The following ABHD10 variants were observed in gnomAD, a reference collection of about 807,000 sequenced individuals.
The protein encoded by ABHD10 is palmitoyl-protein thioesterase ABHD10, mitochondrial.
Under a neutral mutation model 33.1 loss-of-function variants are expected in ABHD10, and 22 were observed. That is an observed-to-expected ratio of 0.66 (90% CI 0.47 to 0.95). The LOEUF is 0.95. Ranked by LOEUF, ABHD10 falls within the 40% of genes least tolerant of loss-of-function variation. ABHD10 has a pLI of 0.00. For synonymous variants in ABHD10, 146 were observed against 133.9 expected (o/e 1.09, Z -0.62); for missense variants, 352 against 379.9 (o/e 0.93, Z 0.61).
intron 4 of ABHD10, among the ~76,000 whole-genome samples, chr3:111,988,236 A>G (rs1035020859): frequency 9.2e-5 from 14 of 152,210 alleles, no homozygotes; most frequent in Non-Finnish European, 1.8e-4. Flanking sequence ...AAGCTCCTTA[A>G]GAAATAGCAT....
rs1197426322 is a variant in ABHD10, at chr3:111,991,739, G to C, written c.*18G>C. On this transcript the variant is annotated 3_prime_UTR_variant, in exon 5 of 5. Coordinates refer to ENST00000273359, the MANE Select transcript of ABHD10 (RefSeq NM_018394.4). ...TTAACTAGTATCACATGTTTAGTTG[G>C]TATGTAAACTAATGTATCCAGAAGA... 6.4e-7 allele frequency: 1 copy of C among 1,560,958 alleles called. No homozygotes were observed. The highest frequency in any genetic ancestry group is 1.4e-5 in the African/African-American group (1 of 73,288).
At position 111,992,992 on chromosome 3, in the gene ABHD10, C is replaced by T. The variant is rs1301844565; in HGVS notation, c.*1271C>T. On this transcript the variant is annotated 3_prime_UTR_variant, in exon 5 of 5. Coordinates refer to ENST00000273359, the MANE Select transcript of ABHD10 (RefSeq NM_018394.4). ...GAACTTGGAGTTCAGGGGGCTTCCACCATTCCCAGAACTGATCAAAGTAGC... is the reference window on the plus strand; with the variant it reads ...GAACTTGGAGTTCAGGGGGCTTCCATCATTCCCAGAACTGATCAAAGTAGC... 6.6e-6 allele frequency: 1 copy of T among 152,184 alleles called. No homozygotes were observed. The highest frequency in any genetic ancestry group is 2.4e-5 in the African/African-American group (1 of 41,430). The allele number at this position is 152,184 out of a possible 1,614,324, so 9.4% of individuals were successfully genotyped here. A position where few individuals can be genotyped will look rare whatever the true frequency, so the allele number is the denominator to read the frequency against.
At position 111,986,374 on chromosome 3, in the gene ABHD10, A is replaced by T. The variant is rs756138975; in HGVS notation, c.437A>T (p.Gln146Leu). Residue 146 changes from glutamine (Q) to leucine (L), a missense_variant and splice_region_variant, in exon 3 of 5, where the codon CAG becomes CTG. Coordinates refer to ENST00000273359, the MANE Select transcript of ABHD10 (RefSeq NM_018394.4). The stretch of plus-strand genomic sequence containing the variant: ...ATTGATGACTTAGCTGATGGGCCAC[A>T]GGTGACTGTTTTGTTAAGTATGATG... ...SIIDDLADGPQILVGSSLGGW... is the reference protein window; with the variant it reads ...SIIDDLADGPLILVGSSLGGW... 1.0e-5 allele frequency: 16 copies of T among 1,594,668 alleles called. No individual in the cohort carries two copies. The highest frequency in any genetic ancestry group is 1.3e-5 in the Non-Finnish European group (15 of 1,163,276).
rs2072757368 is a variant in ABHD10 at position 111,992,706 on chromosome 3, C to CT, written c.*989dup. On this transcript the variant is annotated 3_prime_UTR_variant, in exon 5 of 5. Transcript: ENST00000273359. ...TTGATTAGGTTATTATCTGTCAAAC[C>CT]TTTTAAGTTGACAACATGACTCATA... 1 of 152,026 alleles carries CT rather than the reference C, an allele frequency of 6.6e-6. No homozygotes were observed. Among genetic ancestry groups the CT allele is most frequent in the Non-Finnish European group, 1.5e-5 (1 of 68,002 alleles). The allele number at this position is 152,026 out of a possible 1,614,324, so 9.4% of individuals were successfully genotyped here. A position where few individuals can be genotyped will look rare whatever the true frequency, so the allele number is the denominator to read the frequency against.
At chr3:111,986,550 C>G (rs2072664892) in intron 3 of ABHD10, among the ~76,000 whole-genome samples, 175 bp downstream of exon 3, 1 of 152,210 alleles carries the variant, frequency 6.6e-6, no homozygotes, top group Admixed American at 6.5e-5. Context: ...ATCCTCCTGC[C>G]TCAGCCTCCC....
At position 111,991,359 on chromosome 3, in the gene ABHD10, T is replaced by C. The variant is rs6795538; in HGVS notation, c.577-18T>C. On this transcript the variant is annotated intron_variant, in intron 4 of 4. Coordinates refer to ENST00000273359, the MANE Select transcript of ABHD10 (RefSeq NM_018394.4). Reference sequence around the variant, plus strand: ...CTAAAGTCACAAATACTTTTATTTTTCTTTCTTTTTCCAATAGCTAAAAAA... The same window carrying C: ...CTAAAGTCACAAATACTTTTATTTTCCTTTCTTTTTCCAATAGCTAAAAAA... 0.21 allele frequency: 320,750 copies of C among 1,554,550 alleles called. 33,486 individuals are homozygous for C. Among genetic ancestry groups the C allele is most frequent in the Middle Eastern group, 0.28 (1,643 of 5,922 alleles).
In ABHD10 at chr3:111,992,515, G is replaced by T. The variant is rs1403226206; in HGVS notation, c.*794G>T. ...CCTAAGTACAACTAGGCAAGTGATTGCCACCTAAATCAGAAGACGTTCTAA... is the reference window on the plus strand; with the variant it reads ...CCTAAGTACAACTAGGCAAGTGATTTCCACCTAAATCAGAAGACGTTCTAA... On this transcript the variant is annotated 3_prime_UTR_variant, in exon 5 of 5. Transcript: ENST00000273359. 6.6e-6 allele frequency: 1 copy of T among 151,950 alleles called. No homozygotes were observed. The highest frequency in any genetic ancestry group is 1.5e-5 in the Non-Finnish European group (1 of 67,970). 9.4% of individuals were successfully genotyped at this position (151,950 alleles called of 1,614,324 possible). A position where few individuals can be genotyped will look rare whatever the true frequency, so the allele number is the denominator to read the frequency against.
intron 4 of ABHD10, among the ~76,000 whole-genome samples, chr3:111,988,235 A>G (rs980762342): frequency 6.6e-6 from 1 of 152,322 alleles, no homozygotes; most frequent in Non-Finnish European, 1.5e-5. Context: ...TAAGCTCCTT[A>G]AGAAATAGCA....
At chr3:111,979,267 C>G in intron 1 of ABHD10, 64 bp downstream of exon 1, 1 of 1,512,946 alleles carries the variant, frequency 6.6e-7, no homozygotes, top group Non-Finnish European at 8.9e-7. Context: ...CGTCAGTTAC[C>G]GTGCCTGTGC....
Position 111,981,883 on chromosome 3 carries a change from T to C in ABHD10, c.242T>C (p.Ile81Thr). The C allele has an allele frequency of 6.2e-7, 1 of 1,607,984 alleles. No homozygotes were observed. The highest frequency in any genetic ancestry group is 8.5e-7 in the Non-Finnish European group (1 of 1,175,612). ...LKGKSPGIIFIPGYLSYMNGT... is the reference protein window; with the variant it reads ...LKGKSPGIIFTPGYLSYMNGT... ...GGCAAAAGTCCAGGAATTATCTTCA[T>C]CCCTGGCTATCTTTCTTATATGAAT... Residue 81 changes from isoleucine (I) to threonine (T), a missense_variant, in exon 2 of 5, where the codon ATC (isoleucine) becomes ACC (threonine). Ile to Thr is a moderately conservative substitution (Grantham distance 89). Transcript: ENST00000273359.
chr3:111,980,010 A>G (rs1053257588), intron 1 of ABHD10, among the ~76,000 whole-genome samples: 6 of 152,252 alleles, frequency 3.9e-5, no homozygotes, highest in Admixed American at 6.5e-5. Flanking sequence ...TAGTATGTCA[A>G]TTCATTAACC....
chr3:111,981,311 C>CA lies in ABHD10; in HGVS notation c.143-451dup, dbSNP rs11301143. On this transcript the variant is annotated intron_variant, in intron 1 of 4. Transcript: ENST00000273359. Reference sequence around the variant, plus strand: ...TGAGTGACAAGGTGAGACCCTGTCTCAAAAAAAAAAAAAAAAAAAAAAGAA... The same window carrying CA: ...TGAGTGACAAGGTGAGACCCTGTCTCAAAAAAAAAAAAAAAAAAAAAAAGAA... Among the ~76,000 whole-genome samples the CA allele has an allele frequency of 5.0e-3, 454 of 91,044 alleles. 2 individuals carry two copies. The highest frequency in any genetic ancestry group is 0.014 in the East Asian group (39 of 2,758). The allele number at this position is 91,044 out of a possible 152,430, so 59.7% of individuals were successfully genotyped here.
intron 4 of ABHD10, chr3:111,990,793 T>A: frequency 9.2e-7 from 1 of 1,092,074 alleles, no homozygotes; most frequent in Non-Finnish European, 1.2e-6. Context: ...CTTATTTTTT[T>A]ATTCTTAGTT....
intron 4 of ABHD10, 92 bp from the exon 5 acceptor site, chr3:111,991,285 G>A (rs2072735954): frequency 9.4e-7 from 1 of 1,061,130 alleles, no homozygotes; most frequent in African/African-American, 1.6e-5. Context: ...TCTTATTCAA[G>A]AACTGCTTTC....
At chr3:111,980,199 T>C (rs1390050748) in intron 1 of ABHD10, among the ~76,000 whole-genome samples, 4 of 152,188 alleles carry the variant, frequency 2.6e-5, no homozygotes, top group Admixed American at 2.6e-4. Flanking sequence ...TAAGAGGTGA[T>C]TTCTGGAAGA....
chr3:111,990,600 AAGG>A, intron 4 of ABHD10: 1 of 404,234 alleles, frequency 2.5e-6, no homozygotes, highest in Non-Finnish European at 4.3e-6. Flanking sequence ...ATTTCATTTT[AAGG>A]GAATAAATAT....
chr3:111,991,413 A>G lies in ABHD10; in HGVS notation c.613A>G (p.Met205Val). ...KEVEMKGVWSMPSKYSEEGVY... is the reference protein window; with the variant it reads ...KEVEMKGVWSVPSKYSEEGVY... ...AGTAGAGATGAAAGGTGTGTGGAGCATGCCATCAAAATACTCTGAAGAAGG... is the reference window on the plus strand; with the variant it reads ...AGTAGAGATGAAAGGTGTGTGGAGCGTGCCATCAAAATACTCTGAAGAAGG... The change falls in exon 5 of 5, where the codon ATG becomes GTG. Residue 205 changes from methionine to valine, a missense_variant. Coordinates refer to ENST00000273359, the MANE Select transcript of ABHD10 (RefSeq NM_018394.4). The G allele has an allele frequency of 6.2e-6, 10 of 1,613,122 alleles. No homozygotes were observed. The highest frequency in any genetic ancestry group is 1.3e-5 in the African/African-American group (1 of 74,978).
rs769380525 is a variant in ABHD10, at chr3:111,979,044, G to T, written c.-18G>T. ...GTCCCTCAGTGGGACACTGCAGGGT[G>T]CGGGGACAACTACGAAGATGGCGGT... On this transcript the variant is annotated 5_prime_UTR_variant, in exon 1 of 5. Coordinates refer to ENST00000273359, the MANE Select transcript of ABHD10 (RefSeq NM_018394.4). 1 of 1,611,020 alleles carries T rather than the reference G, an allele frequency of 6.2e-7. No individual in the cohort carries two copies. Among genetic ancestry groups the T allele is most frequent in the Non-Finnish European group, 8.5e-7 (1 of 1,178,628 alleles).
In ABHD10 at chr3:111,981,830, T is replaced by G; in HGVS notation, c.189T>G (p.Leu63=). 4 of 1,602,668 alleles carry G rather than the reference T, an allele frequency of 2.5e-6. No homozygotes were observed. The highest frequency in any genetic ancestry group is 3.4e-6 in the Non-Finnish European group (4 of 1,171,800). ...TCTCATTCCTTAATCGACCAGACCTTCCAAACCTGGCTTATAAGAAGCTAA... is the reference window on the plus strand; with the variant it reads ...TCTCATTCCTTAATCGACCAGACCTGCCAAACCTGGCTTATAAGAAGCTAA... The part of the protein sequence containing the change: ...TSLSFLNRPD[L]PNLAYKKLKG... The change falls in exon 2 of 5, where the codon CTT becomes CTG. Residue 63 remains leucine, a synonymous_variant. Coordinates refer to ENST00000273359, the MANE Select transcript of ABHD10 (RefSeq NM_018394.4).
Sources: gnomAD v4.1 joint callset for allele counts (sites outside exome capture counted in the v4.1 genomes callset) on GRCh38, gnomAD v4.1.1 for gene constraint, MANE v1.5 for transcripts, NCBI Gene and HGNC (gene_info 2026-07-23, HGNC 2026-07-21) for gene names.